Variants in FSTL4 observed in about 807,000 individuals in gnomAD.
FSTL4 encodes follistatin-related protein 4.
Under a neutral mutation model 78.2 loss-of-function variants are expected in FSTL4, and 28 were observed. That is an observed-to-expected ratio of 0.36 (90% confidence interval 0.27 to 0.49). The LOEUF is 0.49. Ranked by LOEUF, FSTL4 falls within the 20% of genes least tolerant of loss-of-function variation. The pLI, the probability that FSTL4 is intolerant of heterozygous loss-of-function variation, is 0.98. For missense variants in FSTL4, 922 were observed against 1,084.9 expected, an observed-to-expected ratio of 0.85 and a Z score of 2.11; for synonymous variants, 422 against 440.5, an observed-to-expected ratio of 0.96 and a Z score of 0.53.
chr5:133,366,547 C>T (rs180767507), intron 4 of FSTL4, among the ~76,000 whole-genome samples: 89 of 152,000 alleles, frequency 5.9e-4, no homozygotes, highest in Middle Eastern at 6.8e-3. Flanking sequence ...TTTAAAAATC[C>T]GTAACTCTGA....
intron 3 of FSTL4, among the ~76,000 whole-genome samples, chr5:133,514,425 C>A (rs993173084): frequency 2.5e-4 from 38 of 152,058 alleles, no homozygotes; most frequent in African/African-American, 8.2e-4. Context: ...CAGTAAAGAG[C>A]AGAACTGAAA....
At chr5:133,523,531 C>A (rs766525976) in intron 3 of FSTL4, among the ~76,000 whole-genome samples, 3 of 152,152 alleles carry the variant, frequency 2.0e-5, no homozygotes, top group Non-Finnish European at 2.9e-5. Flanking sequence ...ACCAGTCAGA[C>A]CTGGGCTTGA....
chr5:133,226,791 A>G (rs924581695), intron 8 of FSTL4, among the ~76,000 whole-genome samples: 3 of 152,218 alleles, frequency 2.0e-5, no homozygotes, highest in African/African-American at 7.2e-5. Context: ...TAAAGAAAGC[A>G]TCCCAGTACT....
In FSTL4 at chr5:133,197,332, T is replaced by C. The variant is rs1750173826; in HGVS notation, c.*1763A>G. 1 of 152,202 alleles carries C rather than the reference T, an allele frequency of 6.6e-6. No homozygotes were observed. The highest frequency in any genetic ancestry group is 2.1e-4 in the South Asian group (1 of 4,830). 9.4% of individuals were successfully genotyped at this position (152,202 alleles called of 1,614,324 possible). Reference sequence around the variant, plus strand: ...TGGGTCATCCATGCATCCCAGCTACTGTGAAACTGCATTCTAGGCTTTTGA... The same window carrying C: ...TGGGTCATCCATGCATCCCAGCTACCGTGAAACTGCATTCTAGGCTTTTGA... On this transcript the variant is annotated 3_prime_UTR_variant, in exon 16 of 16. Coordinates refer to ENST00000265342, the MANE Select transcript of FSTL4 (RefSeq NM_015082.2).
At chr5:133,346,316 G>A (rs1164896205) in intron 4 of FSTL4, among the ~76,000 whole-genome samples, 1 of 152,046 alleles carries the variant, frequency 6.6e-6, no homozygotes, top group Non-Finnish European at 1.5e-5. Flanking sequence ...CCTAGATGAT[G>A]GGTTGATGGG....
At chr5:133,228,163 G>T (rs1751390484) in intron 8 of FSTL4, among the ~76,000 whole-genome samples, 1 of 152,166 alleles carries the variant, frequency 6.6e-6, no homozygotes, top group South Asian at 2.1e-4. Flanking sequence ...GAAGGTTGAG[G>T]CTGTAGTGAG....
the FSTL4 span, among the ~76,000 whole-genome samples, chr5:133,784,162 G>A: frequency 2.0e-5 from 3 of 151,984 alleles, no homozygotes; most frequent in East Asian, 5.8e-4. Context: ...GTTAGCTATT[G>A]TCATTAATGA....
intron 12 of FSTL4, among the ~76,000 whole-genome samples, chr5:133,218,548 C>T (rs944045528): frequency 2.6e-5 from 4 of 152,214 alleles, no homozygotes; most frequent in African/African-American, 4.8e-5. Context: ...CCTCTACATT[C>T]GGTCTGCTGC....
intron 3 of FSTL4, among the ~76,000 whole-genome samples, chr5:133,488,709 C>T (rs1758191643): frequency 6.6e-6 from 1 of 152,116 alleles, no homozygotes; most frequent in Non-Finnish European, 1.5e-5. Flanking sequence ...AATTTTTATT[C>T]TTGAGGAAAA....
chr5:133,380,122 T>C (rs35064379), intron 4 of FSTL4, among the ~76,000 whole-genome samples: 20,375 of 151,544 alleles, frequency 0.13, 1,442 homozygotes, highest in Non-Finnish European at 0.15. Context: ...TCTTTCACCA[T>C]AACACATAGT....
intron 2 of FSTL4, among the ~76,000 whole-genome samples, chr5:133,596,343 G>A (rs182969560): frequency 1.4e-4 from 22 of 152,334 alleles, no homozygotes; most frequent in Admixed American, 1.4e-3. Context: ...CTCACAGGTG[G>A]GGAGGCGCTT....
Position 133,611,045 on chromosome 5 carries a change from C to T in FSTL4, c.-11+1280G>A, listed in dbSNP as rs1761078442. ...GCAACAAATTTACGAAGGTAACAGA[C>T]CAAGCTGCCGGCGCTGTTTTTCACT... On this transcript the variant is annotated intron_variant, in intron 1 of 15. Transcript: ENST00000265342. The surrounding 1 kb of genome is among the most constrained non-coding windows in gnomAD (Gnocchi z 4.9). Among the ~76,000 whole-genome samples the T allele has an allele frequency of 1.3e-5, 2 of 152,198 alleles. No homozygotes were observed.
the FSTL4 span, among the ~76,000 whole-genome samples, chr5:133,831,915 T>C: frequency 6.6e-6 from 1 of 152,140 alleles, no homozygotes. Flanking sequence ...GAAAGTGGCC[T>C]AGGTAGGGCA....
intron 3 of FSTL4, among the ~76,000 whole-genome samples, chr5:133,416,593 A>G (rs1756584858): frequency 6.6e-6 from 1 of 152,228 alleles, no homozygotes; most frequent in Non-Finnish European, 1.5e-5. Flanking sequence ...AAGCTGGCAG[A>G]TATCATTTTA....
At chr5:133,470,259 A>C (rs1233167227) in intron 3 of FSTL4, among the ~76,000 whole-genome samples, 1 of 152,234 alleles carries the variant, frequency 6.6e-6, no homozygotes, top group Non-Finnish European at 1.5e-5. Flanking sequence ...GAAAACAAAC[A>C]GATGAACAAA....
At chr5:133,350,027 G>A (rs1210889100) in intron 4 of FSTL4, among the ~76,000 whole-genome samples, 2 of 145,726 alleles carry the variant, frequency 1.4e-5, no homozygotes, top group Admixed American at 6.8e-5. Context: ...GCTGCCATGC[G>A]ACTGTAAAGG....
the FSTL4 span, among the ~76,000 whole-genome samples, chr5:133,731,367 A>C: frequency 6.6e-6 from 1 of 152,214 alleles, no homozygotes; most frequent in Non-Finnish European, 1.5e-5. Flanking sequence ...TGCAGCCTAC[A>C]TAAGAAACCA....
At chr5:133,265,219 G>A (rs2126839917) in intron 6 of FSTL4, among the ~76,000 whole-genome samples, 1 of 152,188 alleles carries the variant, frequency 6.6e-6, no homozygotes, top group Admixed American at 6.5e-5. Context: ...GCCAGCACCT[G>A]ATTTCCAGCC....
chr5:133,657,202 A>T, the FSTL4 span, among the ~76,000 whole-genome samples: 1 of 152,068 alleles, frequency 6.6e-6, no homozygotes, highest in Non-Finnish European at 1.5e-5. Context: ...TTTCCTTGCC[A>T]CTCAAGGAAA....
Sources: gnomAD v4.1 joint callset for allele counts (sites outside exome capture counted in the v4.1 genomes callset) on GRCh38, gnomAD v4.1.1 for gene constraint, Gnocchi (gnomAD v3.1) non-coding constraint, MANE v1.5 for transcripts, NCBI Gene and HGNC (gene_info 2026-07-23, HGNC 2026-07-21) for gene names.